SBF2: variants seen among roughly 807,000 people sequenced by gnomAD.
SBF2 encodes the protein myotubularin-related protein 13.
A neutral mutation model predicts 225.2 loss-of-function variants in SBF2; 112 were observed. The ratio of observed to expected loss-of-function variants is 0.50; its 90% CI spans 0.43 to 0.58. The LOEUF (loss-of-function observed/expected upper bound fraction) is 0.58, where lower values mean the gene tolerates loss of function less well. Ranked by LOEUF, SBF2 falls within the 20% of genes least tolerant of loss-of-function variation. SBF2 has a pLI of 0.00. For synonymous variants in SBF2, 763 were observed against 773.3 expected (o/e 0.99, Z 0.22); for missense variants, 1,996 against 2,206.2 (o/e 0.90, Z 1.91).
At chr11:9,966,299 AGGCT>A (rs1376966084) in intron 14 of SBF2, among the ~76,000 whole-genome samples, 2 of 152,204 alleles carry the variant, frequency 1.3e-5, no homozygotes, top group Admixed American at 1.3e-4. Context: ...CGTGTTGGCC[AGGCT>A]GGTCTTGAAC....
intron 24 of SBF2, among the ~76,000 whole-genome samples, chr11:9,845,150 G>C (rs1333970221): frequency 1.3e-5 from 2 of 152,106 alleles, no homozygotes; most frequent in African/African-American, 2.4e-5. Flanking sequence ...TGAATTTTCA[G>C]TAAGTTTGAA....
chr11:10,258,109 C>CA (rs1555098198), intron 1 of SBF2, among the ~76,000 whole-genome samples: 6 of 133,524 alleles, frequency 4.5e-5, no homozygotes, highest in African/African-American at 1.4e-4. Context: ...CACACACACA[C>CA]TTTTTTTTTT....
chr11:10,233,342 G>A (rs939658275), intron 1 of SBF2, among the ~76,000 whole-genome samples: 1 of 151,952 alleles, frequency 6.6e-6, no homozygotes, highest in Non-Finnish European at 1.5e-5. Flanking sequence ...TGAATAGGAA[G>A]AATTCTATTC....
chr11:9,943,164 G>A (rs1865383254), intron 16 of SBF2, among the ~76,000 whole-genome samples: 1 of 151,990 alleles, frequency 6.6e-6, no homozygotes, highest in Non-Finnish European at 1.5e-5. Flanking sequence ...AATTCTTCTG[G>A]GGCAATTGGT....
chr11:9,787,613 C>G, intron 36 of SBF2, 21 bp downstream of exon 36: 3 of 1,603,350 alleles, frequency 1.9e-6, no homozygotes, highest in Non-Finnish European at 2.6e-6. Flanking sequence ...AAGTGGCTCT[C>G]AAGGGGCATT....
chr11:10,133,921 C>A (rs1954223062), intron 2 of SBF2, among the ~76,000 whole-genome samples: 1 of 152,240 alleles, frequency 6.6e-6, no homozygotes, highest in Admixed American at 6.5e-5. Flanking sequence ...GTTCCTGACA[C>A]AGAACTCCTA....
intron 13 of SBF2, among the ~76,000 whole-genome samples, chr11:9,988,772 T>C (rs942216547): frequency 2.6e-5 from 4 of 152,252 alleles, no homozygotes; most frequent in Non-Finnish European, 5.9e-5. Flanking sequence ...GGAGTGGATG[T>C]GGTAACAGGG....
chr11:10,027,838 T>A (rs1006434119), intron 6 of SBF2, among the ~76,000 whole-genome samples: 5 of 152,218 alleles, frequency 3.3e-5, no homozygotes, highest in Admixed American at 3.3e-4. Context: ...ATGAGAAGAA[T>A]GAGACTCAGA....
chr11:10,071,320 G>T (rs1413050501), intron 2 of SBF2, among the ~76,000 whole-genome samples: 1 of 143,074 alleles, frequency 7.0e-6, no homozygotes, highest in African/African-American at 2.6e-5. Context: ...AGGCTGGAGT[G>T]TGGTGGCGTG....
chr11:10,062,478 T>TA (rs1434107123), intron 2 of SBF2, among the ~76,000 whole-genome samples: 1 of 152,068 alleles, frequency 6.6e-6, no homozygotes, highest in Non-Finnish European at 1.5e-5. Flanking sequence ...ATAAGGAACT[T>TA]AAACAAATTT....
intron 17 of SBF2, among the ~76,000 whole-genome samples, chr11:9,892,135 T>C (rs1860876597): frequency 6.6e-6 from 1 of 152,194 alleles, no homozygotes; most frequent in African/African-American, 2.4e-5. Context: ...TATTTTTATT[T>C]TGAGACATAG....
At chr11:10,028,633 G>A (rs1240169788) in intron 5 of SBF2, 76 bp from the exon 6 acceptor site, 3 of 955,244 alleles carry the variant, frequency 3.1e-6, no homozygotes, top group East Asian at 2.5e-5. Context: ...TACCTTCGAT[G>A]TTCATTTTTA....
At chr11:9,964,011 G>T in intron 14 of SBF2, 129 bp from the exon 15 acceptor site, 4 of 647,768 alleles carry the variant, frequency 6.2e-6, no homozygotes, top group Non-Finnish European at 1.1e-5. Flanking sequence ...AGCAATTTGG[G>T]AGGCTGAGGT....
intron 2 of SBF2, among the ~76,000 whole-genome samples, chr11:10,123,085 AC>A: frequency 6.6e-6 from 1 of 151,970 alleles, no homozygotes; most frequent in Admixed American, 6.6e-5. Flanking sequence ...GCTTGGTTTC[AC>A]CACTCCAATC....
At position 9,978,689 on chromosome 11, in the gene SBF2, C is replaced by A. The variant is rs112152742; in HGVS notation, c.1396-10144G>T. ...ACAGGGTCTCACTTTATCACCCATG[C>A]TGGAGTGTGGTGGCAGGACTTCGGC... On this transcript the variant is annotated intron_variant, in intron 13 of 39. Coordinates refer to ENST00000256190, the MANE Select transcript of SBF2 (RefSeq NM_030962.4). 1.2e-3 allele frequency among the ~76,000 whole-genome samples: 176 copies of A among 152,262 alleles called. 1 individual carries two copies. Among genetic ancestry groups the A allele is most frequent in the African/African-American group, 3.5e-3 (145 of 41,546 alleles).
chr11:9,898,542 G>A (rs1030303867), intron 16 of SBF2, among the ~76,000 whole-genome samples: 8 of 152,076 alleles, frequency 5.3e-5, no homozygotes, highest in Non-Finnish European at 1.0e-4. Flanking sequence ...ACAGTGGCCT[G>A]TGCATGTAGT....
chr11:10,223,541 T>C lies in SBF2; in HGVS notation c.56-29554A>G, dbSNP rs539233791. Among the ~76,000 whole-genome samples the C allele has an allele frequency of 5.8e-3, 876 of 151,076 alleles. 9 individuals carry two copies. Among genetic ancestry groups the C allele is most frequent in the Admixed American group, 8.3e-3 (125 of 15,082 alleles). On this transcript the variant is annotated intron_variant, in intron 1 of 39. Transcript: ENST00000256190. ...AGTATTGTACTGTATTTATCAATACTGAAAGTTTATGTCATCTGTTTATAA... is the reference window on the plus strand; with the variant it reads ...AGTATTGTACTGTATTTATCAATACCGAAAGTTTATGTCATCTGTTTATAA...
At chr11:10,201,488 T>C (rs1282693398) in intron 1 of SBF2, among the ~76,000 whole-genome samples, 1 of 152,230 alleles carries the variant, frequency 6.6e-6, no homozygotes, top group Non-Finnish European at 1.5e-5. Flanking sequence ...TACAAAAGGC[T>C]TTCATATTTG....
chr11:10,217,930 C>A (rs924612875), intron 1 of SBF2, among the ~76,000 whole-genome samples: 2 of 151,864 alleles, frequency 1.3e-5, no homozygotes, highest in African/African-American at 4.8e-5. Context: ...GATGGAGTCT[C>A]GCTCTGTCGC....
Sources: allele counts gnomAD v4.1 joint callset (sites outside exome capture counted in the v4.1 genomes callset), GRCh38; gene constraint gnomAD v4.1.1; transcripts MANE v1.5; gene names NCBI Gene and HGNC (gene_info 2026-07-23, HGNC 2026-07-21).